The following IRS1 variants were observed in gnomAD, a reference collection of about 807,000 sequenced individuals.
IRS1 encodes the protein insulin receptor substrate 1.
In IRS1, 34 loss-of-function variants were observed where a neutral mutation model predicts 65.6. That is an observed-to-expected ratio of 0.52 (90% CI 0.39 to 0.69). The LOEUF is 0.69. Ranked by LOEUF, IRS1 falls within the 30% of genes least tolerant of loss-of-function variation. The probability of loss-of-function intolerance (pLI) is 0.00; values close to 1 mark genes in which losing one functional copy is unlikely to be tolerated. For synonymous variants in IRS1, 699 were observed against 683.5 expected, an observed-to-expected ratio of 1.02 and a Z score of -0.35; for missense variants, 1,641 against 1,720.2, an observed-to-expected ratio of 0.95 and a Z score of 0.81.
intron 1 of IRS1, among the ~76,000 whole-genome samples, chr2:226,773,910 T>G (rs1307253842): frequency 6.6e-6 from 1 of 152,214 alleles, no homozygotes; most frequent in Non-Finnish European, 1.5e-5. Flanking sequence ...ACTGTATAAA[T>G]ATGATCCTCA....
intron 1 of IRS1, among the ~76,000 whole-genome samples, chr2:226,750,104 C>A (rs1344840571): frequency 1.3e-5 from 2 of 151,902 alleles, no homozygotes; most frequent in Admixed American, 1.3e-4. Context: ...ACAAAATTAG[C>A]TGGGTGTGGT....
intron 1 of IRS1, among the ~76,000 whole-genome samples, chr2:226,793,449 A>G (rs1939649210): frequency 6.6e-6 from 1 of 152,240 alleles, no homozygotes; most frequent in South Asian, 2.1e-4. Flanking sequence ...CTTCTAGTGA[A>G]TGATGAAAAT....
At chr2:226,788,806 T>C (rs1441261864) in intron 1 of IRS1, among the ~76,000 whole-genome samples, 1 of 152,220 alleles carries the variant, frequency 6.6e-6, no homozygotes, top group African/African-American at 2.4e-5. Context: ...TAAAATTCAA[T>C]ATGATTACAC....
At chr2:226,741,776 G>A (rs1210431219) in intron 1 of IRS1, among the ~76,000 whole-genome samples, 1 of 129,362 alleles carries the variant, frequency 7.7e-6, no homozygotes, top group Non-Finnish European at 1.6e-5. Flanking sequence ...TCTGGCAAAT[G>A]AGCCCAGTAA....
chr2:226,796,865 C>A lies in IRS1; in HGVS notation c.1874G>T (p.Gly625Val). Residue 625 changes from glycine to valine, a missense_variant, in exon 1 of 2, where the codon GGC becomes GTC. Gly to Val is a moderately radical substitution (Grantham distance 109). Transcript: ENST00000305123. ...CATATAGTCTCCACTGCCCTTTCGG[C>A]CACTGGGCACTGGGGCCACCCCTGG... is the stretch of plus-strand genomic sequence containing the variant. ...MSPGVAPVPS[G>V]RKGSGDYMPM... The A allele has an allele frequency of 6.5e-7, 1 of 1,539,560 alleles. No homozygotes were observed. Among genetic ancestry groups the A allele is most frequent in the Non-Finnish European group, 8.8e-7 (1 of 1,141,974 alleles).
At chr2:226,747,886 G>A (rs1203597734) in intron 1 of IRS1, among the ~76,000 whole-genome samples, 5 of 152,130 alleles carry the variant, frequency 3.3e-5, no homozygotes, top group African/African-American at 1.2e-4. Flanking sequence ...GGGTTGGGGA[G>A]GAGAGATGCT....
At chr2:226,769,485 C>T (rs1421657350) in intron 1 of IRS1, among the ~76,000 whole-genome samples, 1 of 152,206 alleles carries the variant, frequency 6.6e-6, no homozygotes, top group South Asian at 2.1e-4. Context: ...CCCAAGGAAC[C>T]ACAGAGCCAT....
At chr2:226,766,120 CTTATATATATATATATATATAT>C (rs1939026235) in intron 1 of IRS1, among the ~76,000 whole-genome samples, 2 of 31,680 alleles carry the variant, frequency 6.3e-5, no homozygotes, top group African/African-American at 1.3e-4. Flanking sequence ...CTCTCTTAAT[CTTATATATATATATATATATAT>C]ATATATATAT....
intron 1 of IRS1, among the ~76,000 whole-genome samples, chr2:226,761,259 C>T (rs2106166896): frequency 6.6e-6 from 1 of 152,268 alleles, no homozygotes; most frequent in Middle Eastern, 3.4e-3. Context: ...TAAAATTCAG[C>T]TTTCTAAAAC....
intron 1 of IRS1, among the ~76,000 whole-genome samples, chr2:226,755,716 C>A (rs1017188141): frequency 1.3e-5 from 2 of 152,204 alleles, no homozygotes; most frequent in Non-Finnish European, 2.9e-5. Flanking sequence ...TCCCTCAGTA[C>A]CTTTTCTCTT....
chr2:226,749,162 A>T (rs189532556), intron 1 of IRS1, among the ~76,000 whole-genome samples: 2 of 152,252 alleles, frequency 1.3e-5, no homozygotes, highest in East Asian at 3.9e-4. Context: ...CTCCTCAAAA[A>T]CTGCCTGAAG....
chr2:226,740,961 T>A (rs1938423090), intron 1 of IRS1, among the ~76,000 whole-genome samples: 1 of 152,080 alleles, frequency 6.6e-6, no homozygotes, highest in South Asian at 2.1e-4. Flanking sequence ...CAAAACAGCA[T>A]ATTTCTCTTT....
intron 1 of IRS1, among the ~76,000 whole-genome samples, chr2:226,786,730 C>A (rs17508368): frequency 1.5e-5 from 2 of 129,930 alleles, no homozygotes; most frequent in African/African-American, 2.9e-5. Context: ...TACAAAAATA[C>A]AGAGAAAAAA....
chr2:226,741,179 T>C (rs79639690), intron 1 of IRS1, among the ~76,000 whole-genome samples: 11,047 of 152,202 alleles, frequency 0.073, 541 homozygotes, highest in East Asian at 0.19. Flanking sequence ...TAATGTCCCC[T>C]CAAAAAGTCT....
rs1416890069 is a variant in IRS1 at position 226,796,436 on chromosome 2, G to A, written c.2303C>T (p.Pro768Leu). ...GCGCTGGGTGTGCTTAAAGGATCTTGGCAATGAGTAGTAGGAGAGGACTGG... is the reference window on the plus strand; with the variant it reads ...GCGCTGGGTGTGCTTAAAGGATCTTAGCAATGAGTAGTAGGAGAGGACTGG... ...HKPVLSYYSL[P>L]RSFKHTQRPG... The change falls in exon 1 of 2, where the codon CCA becomes CTA. Residue 768 changes from proline to leucine, a missense_variant. Around this residue, in one of 3 missense-constraint regions of IRS1, gnomAD observed 1,324 missense variants for 1,361.0 expected, o/e 0.97. Transcript: ENST00000305123. 1 of 1,613,764 alleles carries A rather than the reference G, an allele frequency of 6.2e-7. No individual in the cohort carries two copies. Among genetic ancestry groups the A allele is most frequent in the South Asian group, 1.1e-5 (1 of 91,090 alleles).
In IRS1 at chr2:226,798,414, C is replaced by T; in HGVS notation, c.325G>A (p.Ala109Thr). ...SEAEQDSWYQ[A>T]LLQLHNRAKG... ...GCACGGTTGTGCAGCTGTAGGAGAG[C>T]CTGGTACCAGCTGTCTTGCTCGGCC... The change falls in exon 1 of 2, where the codon GCT becomes ACT. Residue 109 changes from alanine (A) to threonine (T), a missense_variant. By Grantham distance (58) the Ala-to-Thr change is moderately conservative (BLOSUM62 0). Transcript: ENST00000305123. This position sits in a 1 kb window ranked among gnomAD's most constrained non-coding sequence, Gnocchi z 9.4. 6.2e-7 allele frequency: 1 copy of T among 1,614,058 alleles called. No individual in the cohort carries two copies. The highest frequency in any genetic ancestry group is 8.5e-7 in the Non-Finnish European group (1 of 1,180,008).
intron 1 of IRS1, among the ~76,000 whole-genome samples, chr2:226,770,713 A>G (rs1452002692): frequency 6.6e-6 from 1 of 152,224 alleles, no homozygotes; most frequent in African/African-American, 2.4e-5. Context: ...GCATGGGAGA[A>G]AACATTAACC....
chr2:226,798,881 C>T lies in IRS1; in HGVS notation c.-143G>A. 1 of 1,520,042 alleles carries T rather than the reference C, an allele frequency of 6.6e-7. No homozygotes were observed. Among genetic ancestry groups the T allele is most frequent in the East Asian group, 2.5e-5 (1 of 40,452 alleles). 94.2% of individuals were successfully genotyped at this position (1,520,042 alleles called of 1,614,324 possible). ...CCCCGACTCTGAAATCCACGCCGCCCCCCGCGCCGGGGAGGGGCAGCTGAA... is the reference window on the plus strand; with the variant it reads ...CCCCGACTCTGAAATCCACGCCGCCTCCCGCGCCGGGGAGGGGCAGCTGAA... On this transcript the variant is annotated 5_prime_UTR_variant, in exon 1 of 2. Transcript: ENST00000305123. The surrounding 1 kb of genome is among the most constrained non-coding windows in gnomAD (Gnocchi z 9.4).
Position 226,798,353 on chromosome 2 carries a change from G to C in IRS1, c.386C>G (p.Ala129Gly). ...GHHDGAAALG[A>G]GGGGGSCSGS... ...GCTGCAGCTGCCCCCACCACCTCCCGCCCCGAGGGCCGCAGCTCCGTCGTG... is the reference window on the plus strand; with the variant it reads ...GCTGCAGCTGCCCCCACCACCTCCCCCCCCGAGGGCCGCAGCTCCGTCGTG... Residue 129 changes from alanine to glycine, a missense_variant, in exon 1 of 2, where the codon GCG becomes GGG. By Grantham distance (60) the Ala-to-Gly change is moderately conservative. Around this residue, in one of 3 missense-constraint regions of IRS1, gnomAD observed 240 missense variants for 229.6 expected, o/e 1.05. Transcript: ENST00000305123. The surrounding 1 kb of genome is among the most constrained non-coding windows in gnomAD (Gnocchi z 9.4). 1 of 1,613,424 alleles carries C rather than the reference G, an allele frequency of 6.2e-7. No homozygotes were observed. The highest frequency in any genetic ancestry group is 1.1e-5 in the South Asian group (1 of 91,066).
Sources: gnomAD v4.1 joint callset for allele counts (sites outside exome capture counted in the v4.1 genomes callset) on GRCh38, gnomAD v4.1.1 for gene constraint, gnomAD v4.1.1 regional missense constraint, Gnocchi (gnomAD v3.1) non-coding constraint, MANE v1.5 for transcripts, NCBI Gene and HGNC (gene_info 2026-07-23, HGNC 2026-07-21) for gene names.